Variants in TOM1L1 observed in about 807,000 individuals in gnomAD.
TOM1L1 encodes the protein TOM1-like protein 1.
In TOM1L1, 64 loss-of-function variants were observed where a neutral mutation model predicts 63.4. That is an observed-to-expected ratio of 1.01 (90% confidence interval 0.83 to 1.24). The LOEUF (loss-of-function observed/expected upper bound fraction) is 1.24, where lower values mean the gene tolerates loss of function less well. Ranked by LOEUF, TOM1L1 falls within the 50% of genes most tolerant of loss-of-function variation. The pLI, the probability that TOM1L1 is intolerant of heterozygous loss-of-function variation, is 0.00. For synonymous variants in TOM1L1, 166 were observed against 194.4 expected, an observed-to-expected ratio of 0.85 and a Z score of 1.22; for missense variants, 536 against 567.0, an observed-to-expected ratio of 0.95 and a Z score of 0.55.
intron 7 of TOM1L1, among the ~76,000 whole-genome samples, chr17:54,925,470 C>T (rs536816548): frequency 3.3e-4 from 50 of 152,296 alleles, no homozygotes; most frequent in African/African-American, 1.2e-3. Context: ...AGAGTTAAGG[C>T]AGAAAGTATG....
intron 7 of TOM1L1, among the ~76,000 whole-genome samples, chr17:54,927,257 A>G (rs1467412755): frequency 6.6e-6 from 1 of 152,242 alleles, no homozygotes; most frequent in African/African-American, 2.4e-5. Context: ...GGCTGATAAT[A>G]GGGATATTGC....
intron 7 of TOM1L1, 107 bp downstream of exon 7, chr17:54,915,969 C>A: frequency 2.8e-6 from 2 of 706,712 alleles, no homozygotes; most frequent in Non-Finnish European, 2.4e-6. Flanking sequence ...GTACATCCTC[C>A]TACATCCTGA....
At chr17:54,957,665 A>T (rs1339789032) in intron 14 of TOM1L1, 3 of 152,212 alleles carry the variant, frequency 2.0e-5, no homozygotes, top group Non-Finnish European at 2.9e-5. Context: ...GGAAAAGCAC[A>T]GAATCTTGCA....
intron 11 of TOM1L1, among the ~76,000 whole-genome samples, chr17:54,941,207 G>T (rs1352898098): frequency 6.6e-6 from 1 of 152,190 alleles, no homozygotes; most frequent in Non-Finnish European, 1.5e-5. Flanking sequence ...CTTTGGCAGT[G>T]TGTTTGTATC....
intron 8 of TOM1L1, among the ~76,000 whole-genome samples, chr17:54,935,147 CA>C (rs1489106394): frequency 1.3e-5 from 2 of 152,076 alleles, no homozygotes; most frequent in Non-Finnish European, 2.9e-5. Context: ...CACCTGGGTG[CA>C]GGGGGGCTGA....
At chr17:54,947,402 T>A (rs1199722178) in intron 12 of TOM1L1, 90 bp downstream of exon 12, 1 of 1,438,490 alleles carries the variant, frequency 7.0e-7, no homozygotes, top group Admixed American at 1.7e-5. Flanking sequence ...TCCCATGTTC[T>A]GCTCAGTATT....
intron 7 of TOM1L1, among the ~76,000 whole-genome samples, chr17:54,929,357 G>A (rs1417700687): frequency 6.6e-6 from 1 of 151,432 alleles, no homozygotes; most frequent in East Asian, 1.9e-4. Context: ...TAATGTAGAT[G>A]GCTCTGATGC....
intron 7 of TOM1L1, chr17:54,917,473 A>G (rs931830132): frequency 2.0e-5 from 3 of 152,198 alleles, no homozygotes; most frequent in African/African-American, 4.8e-5. Flanking sequence ...AAACATATTT[A>G]CTATATACAA....
intron 4 of TOM1L1, among the ~76,000 whole-genome samples, chr17:54,913,464 G>GA (rs1732713328): frequency 1.3e-5 from 2 of 152,192 alleles, no homozygotes; most frequent in Admixed American, 1.3e-4. Context: ...AGGAGTTCGA[G>GA]AGCAGCCTGG....
chr17:54,955,924 A>G (rs1041936092), intron 14 of TOM1L1, among the ~76,000 whole-genome samples: 6 of 152,184 alleles, frequency 3.9e-5, no homozygotes, highest in Admixed American at 3.9e-4. Flanking sequence ...ACTAGACACC[A>G]GGTCAGGGGT....
At chr17:54,904,495 T>G (rs1303825269) in intron 2 of TOM1L1, among the ~76,000 whole-genome samples, 1 of 152,134 alleles carries the variant, frequency 6.6e-6, no homozygotes, top group Non-Finnish European at 1.5e-5. Context: ...TGACTCCCGG[T>G]GGTGACCTAT....
intron 14 of TOM1L1, among the ~76,000 whole-genome samples, chr17:54,950,595 A>T (rs1330868836): frequency 6.6e-6 from 1 of 152,194 alleles, no homozygotes. Context: ...ACATTCTTTT[A>T]TGATTTCATA....
At chr17:54,915,264 G>T (rs956784434) in intron 6 of TOM1L1, among the ~76,000 whole-genome samples, 3 of 152,130 alleles carry the variant, frequency 2.0e-5, no homozygotes, top group South Asian at 2.1e-4. Context: ...ATATAAAAAT[G>T]CATGTGACTA....
At position 54,960,563 on chromosome 17, in the gene TOM1L1, CAG is replaced by C. The variant is rs1303256290; in HGVS notation, c.1371_1372del. ...CCCTTTTGCTGTGATGGCTTTGTTT[CAG>C]AGCTATTTATGAAGAAATTGATGCT... On this transcript the variant is annotated splice_acceptor_variant, in intron 14 of 15. Transcript: ENST00000575882. LOFTEE classifies it high-confidence loss of function. 1 of 1,612,412 alleles carries C rather than the reference CAG, an allele frequency of 6.2e-7. No individual in the cohort carries two copies. Among genetic ancestry groups the C allele is most frequent in the Admixed American group, 1.7e-5 (1 of 59,984 alleles).
chr17:54,906,643 C>A, intron 3 of TOM1L1: 1 of 468,348 alleles, frequency 2.1e-6, no homozygotes, highest in South Asian at 9.1e-5. Flanking sequence ...AGTTCTGCTG[C>A]CTGGCGTGAT....
intron 11 of TOM1L1, among the ~76,000 whole-genome samples, chr17:54,940,586 G>A (rs2049019170): frequency 1.3e-5 from 2 of 152,126 alleles, no homozygotes; most frequent in Non-Finnish European, 2.9e-5. Context: ...TCCCTCAGTT[G>A]GGGACTGGTT....
chr17:54,923,338 T>G (rs1401157308), intron 7 of TOM1L1, among the ~76,000 whole-genome samples: 1 of 152,094 alleles, frequency 6.6e-6, no homozygotes, highest in Non-Finnish European at 1.5e-5. Context: ...CATTGTATAT[T>G]CTGTTAGCGG....
intron 11 of TOM1L1, among the ~76,000 whole-genome samples, chr17:54,946,479 G>A (rs1281746791): frequency 1.3e-5 from 2 of 152,176 alleles, no homozygotes; most frequent in East Asian, 3.9e-4. Context: ...CTATTGAAGA[G>A]GAAGATTCTT....
intron 3 of TOM1L1, among the ~76,000 whole-genome samples, chr17:54,906,476 C>CA (rs57524831): frequency 0.36 from 34,077 of 93,614 alleles, 4,511 homozygotes; most frequent in East Asian, 0.55. Flanking sequence ...GACTCCTTCT[C>CA]AAAAAAAAAA....
Sources: gnomAD v4.1 joint callset for allele counts (sites outside exome capture counted in the v4.1 genomes callset) on GRCh38, gnomAD v4.1.1 for gene constraint, MANE v1.5 for transcripts, NCBI Gene and HGNC (gene_info 2026-07-23, HGNC 2026-07-21) for gene names.